MDGA2: variants seen among roughly 807,000 people sequenced by gnomAD.
The protein encoded by MDGA2 is MAM domain containing glycosylphosphatidylinositol anchor 2.
In MDGA2, 40 loss-of-function variants were observed where a neutral mutation model predicts 117.8. The observed-to-expected ratio is 0.34, with a 90% CI of 0.26 to 0.44. The LOEUF (loss-of-function observed/expected upper bound fraction) is 0.44, where lower values mean the gene tolerates loss of function less well. MDGA2 is among the 20% of genes least tolerant of loss of function. The pLI is 1.00. For missense variants in MDGA2, 1,123 were observed against 1,250.6 expected, an observed-to-expected ratio of 0.90 and a Z score of 1.54; for synonymous variants, 452 against 439.0, an observed-to-expected ratio of 1.03 and a Z score of -0.37.
intron 10 of MDGA2, among the ~76,000 whole-genome samples, chr14:46,918,157 A>C (rs1458279814): frequency 6.6e-6 from 1 of 152,196 alleles, no homozygotes; most frequent in Non-Finnish European, 1.5e-5. Flanking sequence ...AGATACAATT[A>C]TGACTCTATC....
intron 2 of MDGA2, among the ~76,000 whole-genome samples, chr14:47,236,072 C>T (rs898447180): frequency 6.6e-6 from 1 of 151,976 alleles, no homozygotes; most frequent in Non-Finnish European, 1.5e-5. Context: ...GTGGGCGGAT[C>T]ACGAGGTCAG....
At chr14:47,361,516 CTT>C (rs770892113) in intron 1 of MDGA2, among the ~76,000 whole-genome samples, 15 of 152,108 alleles carry the variant, frequency 9.9e-5, no homozygotes, top group Non-Finnish European at 1.9e-4. Flanking sequence ...ATTTAAAACT[CTT>C]AGTGCTGTCT....
rs1350771373 is a variant in MDGA2 at position 47,039,043 on chromosome 14, C to A, written c.1526-3739G>T. On this transcript the variant is annotated intron_variant, in intron 7 of 16. Coordinates refer to ENST00000399232, the MANE Select transcript of MDGA2 (RefSeq NM_001113498.3). ...AAAAAGACTGTATAATTTCTCAAAC[C>A]TGTTATATGTTTTTCTATCTTTCTG... 2.6e-5 allele frequency among the ~76,000 whole-genome samples: 4 copies of A among 152,224 alleles called. No individual in the cohort carries two copies. In the East Asian group the frequency reaches 5.8e-4, roughly 22 times the overall value.
intron 1 of MDGA2, among the ~76,000 whole-genome samples, chr14:47,493,967 A>G (rs1198504117): frequency 1.3e-5 from 2 of 152,144 alleles, no homozygotes; most frequent in East Asian, 3.9e-4. Context: ...TGGAGGAGGG[A>G]CCTCGTGATT....
At chr14:47,280,435 C>A (rs1455538431) in intron 2 of MDGA2, among the ~76,000 whole-genome samples, 1 of 151,030 alleles carries the variant, frequency 6.6e-6, no homozygotes, top group Non-Finnish European at 1.5e-5. Flanking sequence ...GTATAACCCA[C>A]GTTATAGTGG....
chr14:47,641,255 G>A (rs1262558834), intron 1 of MDGA2, among the ~76,000 whole-genome samples: 5 of 152,012 alleles, frequency 3.3e-5, no homozygotes, highest in Middle Eastern at 3.2e-3. Context: ...AAATGACCAC[G>A]TCTGGTCTAA....
chr14:47,167,984 C>A (rs1175354471), intron 3 of MDGA2, among the ~76,000 whole-genome samples: 1 of 152,114 alleles, frequency 6.6e-6, no homozygotes, highest in East Asian at 1.9e-4. Flanking sequence ...TTGCATTTGG[C>A]CATAGACACA....
At chr14:47,019,980 G>A (rs1194823673) in intron 8 of MDGA2, among the ~76,000 whole-genome samples, 1 of 152,078 alleles carries the variant, frequency 6.6e-6, no homozygotes, top group African/African-American at 2.4e-5. Flanking sequence ...TAGGTTCAGC[G>A]TAATTGGATG....
At chr14:47,612,040 C>T (rs1395337687) in intron 1 of MDGA2, among the ~76,000 whole-genome samples, 1 of 152,106 alleles carries the variant, frequency 6.6e-6, no homozygotes, top group East Asian at 1.9e-4. Flanking sequence ...GGGACTCAAA[C>T]AAAATGTTTA....
intron 1 of MDGA2, among the ~76,000 whole-genome samples, chr14:47,352,176 C>G (rs987556952): frequency 4.6e-5 from 7 of 152,158 alleles, no homozygotes; most frequent in Non-Finnish European, 7.3e-5. Context: ...GCCTCAGCAA[C>G]TTACCTGGGC....
chr14:47,054,459 C>CTGAG, intron 7 of MDGA2, among the ~76,000 whole-genome samples: 2 of 148,384 alleles, frequency 1.3e-5, no homozygotes, highest in Admixed American at 1.4e-4. Context: ...TCTCCTAATG[C>CTGAG]TATCCCTCCC....
intron 1 of MDGA2, among the ~76,000 whole-genome samples, chr14:47,324,900 C>G (rs765968029): frequency 1.3e-5 from 2 of 151,442 alleles, no homozygotes; most frequent in Non-Finnish European, 2.9e-5. Flanking sequence ...GTAATTAAAT[C>G]AAAAAGCTGT....
chr14:47,437,082 T>C (rs2138539050), intron 1 of MDGA2, among the ~76,000 whole-genome samples: 1 of 152,218 alleles, frequency 6.6e-6, no homozygotes, highest in South Asian at 2.1e-4. Context: ...AATTGTACTT[T>C]CTTTTTTTTT....
At chr14:46,999,218 A>G (rs1288303318) in intron 8 of MDGA2, among the ~76,000 whole-genome samples, 2 of 151,986 alleles carry the variant, frequency 1.3e-5, no homozygotes, top group African/African-American at 4.8e-5. Flanking sequence ...TAAAAAAAAA[A>G]GCTGTAAAGC....
intron 8 of MDGA2, among the ~76,000 whole-genome samples, chr14:47,008,681 AC>A (rs1887795369): frequency 6.6e-6 from 1 of 151,884 alleles, no homozygotes; most frequent in Admixed American, 6.6e-5. Context: ...TTAAGCTATA[AC>A]GTCATTGTCT....
chr14:46,974,034 C>A (rs796906242), intron 8 of MDGA2, among the ~76,000 whole-genome samples: 1 of 151,708 alleles, frequency 6.6e-6, no homozygotes, highest in African/African-American at 2.4e-5. Context: ...CCACCACACC[C>A]AGCTAATCAG....
intron 8 of MDGA2, among the ~76,000 whole-genome samples, chr14:47,012,225 T>C (rs1887919647): frequency 6.6e-6 from 1 of 152,140 alleles, no homozygotes; most frequent in Non-Finnish European, 1.5e-5. Context: ...CTGAATATAC[T>C]TGTTTGCATA....
intron 1 of MDGA2, among the ~76,000 whole-genome samples, chr14:47,332,416 A>C (rs954739635): frequency 6.6e-6 from 1 of 151,978 alleles, no homozygotes; most frequent in Admixed American, 6.6e-5. Context: ...AACAAGAAAA[A>C]ATTAAACAGC....
intron 3 of MDGA2, among the ~76,000 whole-genome samples, chr14:47,192,445 T>C (rs1885149369): frequency 1.3e-5 from 2 of 151,814 alleles, no homozygotes; most frequent in South Asian, 4.2e-4. Flanking sequence ...CAAAACCCCA[T>C]CTCTACAAAA....
Sources: gnomAD v4.1 joint callset for allele counts (sites outside exome capture counted in the v4.1 genomes callset) on GRCh38, gnomAD v4.1.1 for gene constraint, MANE v1.5 for transcripts, NCBI Gene and HGNC (gene_info 2026-07-23, HGNC 2026-07-21) for gene names.